SYN3: variants seen among roughly 807,000 people sequenced by gnomAD.
The protein encoded by SYN3 is synapsin-3.
SYN3 carries 35 observed loss-of-function variants against 65.8 expected under a neutral mutation model. That is an observed-to-expected ratio of 0.53 (90% CI 0.41 to 0.70). The LOEUF is 0.70. Among genes scored for constraint, SYN3 ranks in the 30% least tolerant of loss-of-function variants. The pLI, the probability that SYN3 is intolerant of heterozygous loss-of-function variation, is 0.00. For missense variants in SYN3, 680 were observed against 749.0 expected, an observed-to-expected ratio of 0.91 and a Z score of 1.08; for synonymous variants, 270 against 292.9, an observed-to-expected ratio of 0.92 and a Z score of 0.80.
intron 6 of SYN3, among the ~76,000 whole-genome samples, chr22:32,788,089 G>T (rs1022417990): frequency 6.6e-6 from 1 of 152,214 alleles, no homozygotes; most frequent in African/African-American, 2.4e-5. Flanking sequence ...AGAGTTTTGA[G>T]CAGAAGAGTA....
At chr22:32,584,514 G>A (rs1004035824) in intron 7 of SYN3, among the ~76,000 whole-genome samples, 11 of 152,028 alleles carry the variant, frequency 7.2e-5, no homozygotes, top group Non-Finnish European at 1.6e-4. Context: ...GACATGACCA[G>A]GAAAACAGAG....
intron 6 of SYN3, among the ~76,000 whole-genome samples, chr22:32,608,740 C>CA (rs2059401801): frequency 6.6e-6 from 1 of 152,182 alleles, no homozygotes; most frequent in Non-Finnish European, 1.5e-5. Flanking sequence ...TTAGCCTTTC[C>CA]AGTCTCAGCT....
chr22:32,711,262 G>A lies in SYN3; in HGVS notation c.712-114526C>T, dbSNP rs538638512. On this transcript the variant is annotated intron_variant, in intron 6 of 13. Coordinates refer to ENST00000358763, the MANE Select transcript of SYN3 (RefSeq NM_003490.4). The stretch of plus-strand genomic sequence containing the variant: ...TGCCTCAACTGATCGAACCAGGAGT[G>A]GATACCTGGCCCTAGGATGTCTAAT... Among the ~76,000 whole-genome samples the A allele has an allele frequency of 1.2e-3, 181 of 152,292 alleles. 1 individual carries two copies. The highest frequency in any genetic ancestry group is 4.1e-3 in the African/African-American group (171 of 41,558).
In SYN3 at chr22:32,555,246, G is replaced by A. The variant is rs184921965; in HGVS notation, c.775-13533C>T. Reference sequence around the variant, plus strand: ...AAACTGGGTCTTAACATCCTCTTACGAAAGCTGAAGGCTAATAGGGAATAA... The same window carrying A: ...AAACTGGGTCTTAACATCCTCTTACAAAAGCTGAAGGCTAATAGGGAATAA... On this transcript the variant is annotated intron_variant, in intron 7 of 13. Transcript: ENST00000358763. 2.0e-4 allele frequency among the ~76,000 whole-genome samples: 30 copies of A among 152,270 alleles called. No homozygotes were observed. In the East Asian group the frequency reaches 4.6e-3, roughly 23 times the overall value.
chr22:32,577,293 T>G (rs2058865795), intron 7 of SYN3, among the ~76,000 whole-genome samples: 2 of 152,216 alleles, frequency 1.3e-5, no homozygotes, highest in Admixed American at 6.5e-5. Context: ...CTCCTTATCT[T>G]TGGAGACACA....
At chr22:32,988,862 T>C (rs2052612713) in intron 2 of SYN3, among the ~76,000 whole-genome samples, 2 of 152,016 alleles carry the variant, frequency 1.3e-5, no homozygotes, top group Non-Finnish European at 2.9e-5. Context: ...TGAATGTTCC[T>C]GGGTGTGTCC....
chr22:32,528,073 G>A (rs756995704), intron 11 of SYN3, 68 bp from the exon 12 acceptor site: 3 of 1,218,262 alleles, frequency 2.5e-6, no homozygotes, highest in Non-Finnish European at 3.4e-6. Context: ...TGAGAGGGCA[G>A]CATTTATGAA....
At chr22:32,780,983 T>TTCCTTCCTTCCTTCCTTCCTTCCATCCC (rs747486689) in intron 6 of SYN3, among the ~76,000 whole-genome samples, 2 of 78,136 alleles carry the variant, frequency 2.6e-5, no homozygotes, top group Non-Finnish European at 5.4e-5. Context: ...CCTTCCCTCC[T>TTCCTTCCTTCCTTCCTTCCTTCCATCCC]TCCTTCCTCT....
intron 1 of SYN3, among the ~76,000 whole-genome samples, chr22:33,015,832 C>A (rs2053453464): frequency 6.8e-6 from 1 of 147,306 alleles, no homozygotes; most frequent in African/African-American, 2.5e-5. Flanking sequence ...ATTTAATAGG[C>A]AAATTTTCTT....
chr22:32,771,873 T>G (rs2145778420), intron 6 of SYN3, among the ~76,000 whole-genome samples: 1 of 152,242 alleles, frequency 6.6e-6, no homozygotes, highest in South Asian at 2.1e-4. Flanking sequence ...AATCTAGATC[T>G]CTCTTCCAAC....
chr22:32,726,318 T>A (rs2061192091), intron 6 of SYN3, among the ~76,000 whole-genome samples: 1 of 152,160 alleles, frequency 6.6e-6, no homozygotes, highest in Non-Finnish European at 1.5e-5. Flanking sequence ...AATTTTTGTA[T>A]TTTTGGTAGA....
At chr22:32,641,960 A>G (rs764542529) in intron 6 of SYN3, among the ~76,000 whole-genome samples, 8 of 152,074 alleles carry the variant, frequency 5.3e-5, no homozygotes, top group African/African-American at 1.9e-4. Context: ...TTTCTAGAGC[A>G]TTTCCTCTGG....
intron 1 of SYN3, among the ~76,000 whole-genome samples, chr22:33,025,011 C>G (rs2053616335): frequency 6.6e-6 from 1 of 152,202 alleles, no homozygotes; most frequent in African/African-American, 2.4e-5. Flanking sequence ...GTATGAGTCT[C>G]CTCTCCTTTC....
chr22:32,564,250 G>A (rs931483268), intron 7 of SYN3, among the ~76,000 whole-genome samples: 5 of 152,150 alleles, frequency 3.3e-5, no homozygotes, highest in Admixed American at 2.6e-4. Context: ...ATGACTGCAC[G>A]TCTTTCATAC....
intron 1 of SYN3, among the ~76,000 whole-genome samples, chr22:33,040,619 T>G (rs572999247): frequency 6.6e-6 from 1 of 152,322 alleles, no homozygotes; most frequent in East Asian, 1.9e-4. Flanking sequence ...CATCTTGAAT[T>G]GTAACTCCCA....
rs142532832 is a variant in SYN3 at position 32,719,022 on chromosome 22, C to T, written c.712-122286G>A. On this transcript the variant is annotated intron_variant, in intron 6 of 13. Transcript: ENST00000358763. ...GTCTTGACTTCCATTTTTATCTGGT[C>T]GACAGATCAGCCTCATCTTCCAAGG... 3.5e-3 allele frequency among the ~76,000 whole-genome samples: 528 copies of T among 152,244 alleles called. 3 individuals are homozygous for T. Among genetic ancestry groups the T allele is most frequent in the African/African-American group, 0.012 (498 of 41,544 alleles).
rs577498000 is a variant in SYN3 at position 32,647,670 on chromosome 22, G to A, written c.712-50934C>T. ...GTTGCCCAGGCTGGAGTGCAGTGGC[G>A]TGATCTCAGCTCACTGAAACCTCCG... is the stretch of plus-strand genomic sequence containing the variant. On this transcript the variant is annotated intron_variant, in intron 6 of 13. Coordinates refer to ENST00000358763, the MANE Select transcript of SYN3 (RefSeq NM_003490.4). 7.9e-5 allele frequency among the ~76,000 whole-genome samples: 12 copies of A among 152,058 alleles called. No individual in the cohort carries two copies. The South Asian group carries it at 1.0e-3, about 13-fold the overall frequency.
chr22:32,753,572 A>G (rs1326280840), intron 6 of SYN3, among the ~76,000 whole-genome samples: 2 of 152,246 alleles, frequency 1.3e-5, no homozygotes, highest in African/African-American at 2.4e-5. Flanking sequence ...TTTCACAGGA[A>G]AAGTCCCTAT....
chr22:32,627,261 T>C (rs1392569562), intron 6 of SYN3, among the ~76,000 whole-genome samples: 1 of 152,160 alleles, frequency 6.6e-6, no homozygotes, highest in Non-Finnish European at 1.5e-5. Context: ...GGCTGCGTTT[T>C]TTAAGCTCCC....
Sources: allele counts gnomAD v4.1 joint callset (sites outside exome capture counted in the v4.1 genomes callset), GRCh38; gene constraint gnomAD v4.1.1; transcripts MANE v1.5; gene names NCBI Gene and HGNC (gene_info 2026-07-23, HGNC 2026-07-21).